ADCY7: variants seen among roughly 807,000 people sequenced by gnomAD.
ADCY7 encodes the protein adenylate cyclase 7.
Under a neutral mutation model 120.6 loss-of-function variants are expected in ADCY7, and 72 were observed. That is an observed-to-expected ratio of 0.60 (90% CI 0.49 to 0.73). The LOEUF (loss-of-function observed/expected upper bound fraction) is 0.73. Among genes scored for constraint, ADCY7 ranks in the 30% least tolerant of loss-of-function variants. The probability of loss-of-function intolerance (pLI) is 0.00; values close to 1 mark genes in which losing one functional copy is unlikely to be tolerated. For synonymous variants in ADCY7, 661 were observed against 628.0 expected (o/e 1.05, Z -0.78); for missense variants, 1,227 against 1,486.0 (o/e 0.83, Z 2.87).
chr16:50,309,194 G>A (rs2036281948), intron 17 of ADCY7: 1 of 332,308 alleles, frequency 3.0e-6, no homozygotes. Flanking sequence ...CGCATCCTGG[G>A]CTAGGGCCTC....
intron 8 of ADCY7, among the ~76,000 whole-genome samples, chr16:50,300,063 T>G (rs2035615597): frequency 6.6e-6 from 1 of 152,194 alleles, no homozygotes; most frequent in African/African-American, 2.4e-5. Flanking sequence ...GGACCCCCTC[T>G]GTAGACGCCA....
At chr16:50,254,063 C>T (rs942301742) in intron 1 of ADCY7, among the ~76,000 whole-genome samples, 3 of 152,174 alleles carry the variant, frequency 2.0e-5, no homozygotes, top group African/African-American at 7.2e-5. Flanking sequence ...GAGTTACCTT[C>T]CCTCTCAAGA....
rs1026883548 is a variant in ADCY7 at position 50,301,157 on chromosome 16, G to T, written c.1311G>T (p.Gln437His). Reference protein sequence around the residue: ...AYEVEDGHGQQRDPYLKEMNI... With the variant: ...AYEVEDGHGQHRDPYLKEMNI... ...AGGTGGAGGATGGGCACGGGCAGCA[G>T]CGGGACCCCTACCTCAAGGAGATGA... The change falls in exon 10 of 26, where the codon CAG (glutamine) becomes CAT (histidine). Residue 437 changes from glutamine to histidine, a missense_variant. By Grantham distance (24) the Gln-to-His change is conservative (BLOSUM62 0). This residue lies in a region of ADCY7 where 332 missense variants were observed against 455.8 expected (regional missense o/e 0.73). Transcript: ENST00000673801. 1.2e-6 allele frequency: 2 copies of T among 1,613,224 alleles called. No homozygotes were observed. The highest frequency in any genetic ancestry group is 2.7e-5 in the African/African-American group (2 of 74,902).
Position 50,311,799 on chromosome 16 carries a change from GCCCCCCCCC to G in ADCY7, c.2448+21_2448+29del. 1 of 893,472 alleles carries G rather than the reference GCCCCCCCCC, an allele frequency of 1.1e-6. No individual in the cohort carries two copies. Among genetic ancestry groups the G allele is most frequent in the Non-Finnish European group, 1.6e-6 (1 of 642,276 alleles). The allele number at this position is 893,472 out of a possible 1,614,324, so 55.3% of individuals were successfully genotyped here. A position where few individuals can be genotyped will look rare whatever the true frequency, so the allele number is the denominator to read the frequency against. Reference sequence around the variant, plus strand: ...ACTCTCCAGACAGGTAAGGAGGCTGGCCCCCCCCCCCCCCCCAAGCTCTGCCCACTTTTC... The same window carrying G: ...ACTCTCCAGACAGGTAAGGAGGCTGGCCCCCCCAAGCTCTGCCCACTTTTC... On this transcript the variant is annotated intron_variant, in intron 20 of 25. Transcript: ENST00000673801.
In ADCY7 at chr16:50,312,087, G is replaced by T; in HGVS notation, c.2500G>T (p.Glu834Ter). 6.2e-7 allele frequency: 1 copy of T among 1,614,208 alleles called. No homozygotes were observed. The highest frequency in any genetic ancestry group is 1.1e-5 in the South Asian group (1 of 91,090). Reference protein sequence around the residue: ...DCLWKKKFKKEHEEFETMENV... With the variant: ...DCLWKKKFKK ...CCTATGGAAGAAGAAGTTCAAGAAGGAGCACGAGGAGTTTGAGACCATGGA... is the reference window on the plus strand; with the variant it reads ...CCTATGGAAGAAGAAGTTCAAGAAGTAGCACGAGGAGTTTGAGACCATGGA... Residue 834 changes from glutamate to a stop codon, truncating the protein, a stop_gained, in exon 21 of 26, where the codon GAG becomes TAG. Coordinates refer to ENST00000673801, the MANE Select transcript of ADCY7 (RefSeq NM_001114.5). LOFTEE classifies it high-confidence loss of function.
intron 4 of ADCY7, 43 bp from the exon 5 acceptor site, chr16:50,292,633 T>TGGGCC: frequency 6.2e-7 from 1 of 1,604,468 alleles, no homozygotes; most frequent in Non-Finnish European, 8.5e-7. Context: ...CGGGAGGGCA[T>TGGGCC]GGGCCAGGCC....
intron 20 of ADCY7, 101 bp from the exon 21 acceptor site, chr16:50,311,935 C>T (rs1418063647): frequency 1.4e-5 from 22 of 1,549,388 alleles, no homozygotes; most frequent in Admixed American, 5.2e-5. Context: ...TGGCCAGAGG[C>T]TCCAAGGACG....
chr16:50,254,664 G>A (rs946076566), intron 1 of ADCY7, among the ~76,000 whole-genome samples: 1 of 152,164 alleles, frequency 6.6e-6, no homozygotes, highest in Non-Finnish European at 1.5e-5. Context: ...TTCATGGATT[G>A]GAAGAATTAA....
rs959101266 is a variant in ADCY7, at chr16:50,317,545, CAAAT to C, written c.*2043_*2046del. 3 of 152,300 alleles carry C rather than the reference CAAAT, an allele frequency of 2.0e-5. No individual in the cohort carries two copies. Among genetic ancestry groups the C allele is most frequent in the Admixed American group, 6.5e-5 (1 of 15,284 alleles). 9.4% of individuals were successfully genotyped at this position (152,300 alleles called of 1,614,324 possible). A position where few individuals can be genotyped will look rare whatever the true frequency, so the allele number is the denominator to read the frequency against. ...ACAGAAACCCCAGTTGGGAGTTTAA[CAAAT>C]AACTGACTACCACTCACTCATGCAT... On this transcript the variant is annotated 3_prime_UTR_variant, in exon 26 of 26. Transcript: ENST00000673801.
At chr16:50,293,146 G>A (rs375155174) in intron 5 of ADCY7, among the ~76,000 whole-genome samples, 1 of 152,192 alleles carries the variant, frequency 6.6e-6, no homozygotes, top group African/African-American at 2.4e-5. Flanking sequence ...AGTCCCGGGG[G>A]CTGCTGGGTA....
chr16:50,258,038 C>A (rs1378129047), intron 1 of ADCY7, among the ~76,000 whole-genome samples: 1 of 152,106 alleles, frequency 6.6e-6, no homozygotes, highest in East Asian at 1.9e-4. Context: ...AGCCACCGTG[C>A]CTGGCCTATA....
intron 1 of ADCY7, among the ~76,000 whole-genome samples, chr16:50,257,551 C>G (rs1274203294): frequency 6.6e-6 from 1 of 151,790 alleles, no homozygotes; most frequent in East Asian, 1.9e-4. Flanking sequence ...GTAACGTCAC[C>G]TTGTATCCCA....
chr16:50,250,210 C>T (rs2032712994), intron 1 of ADCY7, among the ~76,000 whole-genome samples: 1 of 152,190 alleles, frequency 6.6e-6, no homozygotes. Flanking sequence ...AATTCCAGCA[C>T]ACTGGGAGGC....
intron 1 of ADCY7, among the ~76,000 whole-genome samples, chr16:50,246,704 G>T (rs1317236025): frequency 6.6e-6 from 1 of 152,218 alleles, no homozygotes; most frequent in African/African-American, 2.4e-5. Flanking sequence ...GGTGGCCAAA[G>T]GGGACCAGGG....
chr16:50,271,545 G>C (rs140461107), intron 1 of ADCY7, among the ~76,000 whole-genome samples: 119 of 152,290 alleles, frequency 7.8e-4, no homozygotes, highest in African/African-American at 2.6e-3. Flanking sequence ...GGTCCTCCCT[G>C]TTCTAGAGCA....
intron 1 of ADCY7, among the ~76,000 whole-genome samples, chr16:50,260,829 T>C (rs1037611483): frequency 1.3e-5 from 2 of 152,134 alleles, no homozygotes; most frequent in Non-Finnish European, 1.5e-5. Context: ...TGGCTTCCCC[T>C]AGAGGGAGAG....
intron 15 of ADCY7, among the ~76,000 whole-genome samples, chr16:50,307,959 G>T (rs2151065505): frequency 7.5e-6 from 1 of 133,234 alleles, no homozygotes; most frequent in Non-Finnish European, 1.5e-5. Flanking sequence ...TCATGCCACT[G>T]CACTCCAGCC....
At chr16:50,311,808 C>T (rs374194955) in intron 20 of ADCY7, 22 bp downstream of exon 20, 39 of 1,337,032 alleles carry the variant, frequency 2.9e-5, no homozygotes, top group East Asian at 2.0e-4. Context: ...GGCCCCCCCC[C>T]CCCCCCCAAG....
intron 1 of ADCY7, among the ~76,000 whole-genome samples, chr16:50,276,328 G>A (rs946187362): frequency 7.9e-5 from 12 of 152,218 alleles, no homozygotes; most frequent in Admixed American, 3.9e-4. Context: ...CCCCAGTGCT[G>A]CTGGCTCATG....
Sources: allele counts gnomAD v4.1 joint callset (sites outside exome capture counted in the v4.1 genomes callset), GRCh38; gene constraint gnomAD v4.1.1; regional missense constraint gnomAD v4.1.1; transcripts MANE v1.5; gene names NCBI Gene and HGNC (gene_info 2026-07-23, HGNC 2026-07-21).